The following TP73 variants were observed in gnomAD, a reference collection of about 807,000 sequenced individuals.
The protein encoded by TP73 is tumor protein p73.
A neutral mutation model predicts 62.5 loss-of-function variants in TP73; 25 were observed. The observed-to-expected ratio is 0.40, with a 90% CI of 0.29 to 0.56. The LOEUF (loss-of-function observed/expected upper bound fraction) is 0.56. Among genes scored for constraint, TP73 ranks in the 20% least tolerant of loss-of-function variants. The pLI is 0.46. For missense variants in TP73, 754 were observed against 913.3 expected (o/e 0.83, Z 2.25); for synonymous variants, 423 against 377.5 (o/e 1.12, Z -1.40).
chr1:3,673,172 G>C (rs1645282150), intron 1 of TP73, among the ~76,000 whole-genome samples: 1 of 152,242 alleles, frequency 6.6e-6, no homozygotes, highest in South Asian at 2.1e-4. Context: ...GGATAGGCTG[G>C]TGCTCTGCAA....
chr1:3,733,218 C>G lies in TP73; in HGVS notation c.*139C>G. ...GGAAAGGCAAGGTCCGGCCCATCCC[C>G]AGGCACCTCACAGGCCCCAGGAAAG... is the stretch of plus-strand genomic sequence containing the variant. On this transcript the variant is annotated 3_prime_UTR_variant, in exon 14 of 14. Coordinates refer to ENST00000378295, the MANE Select transcript of TP73 (RefSeq NM_005427.4). 9.4e-7 allele frequency: 1 copy of G among 1,060,228 alleles called. No individual in the cohort carries two copies. Among genetic ancestry groups the G allele is most frequent in the African/African-American group, 1.6e-5 (1 of 62,586 alleles). The allele number at this position is 1,060,228 out of a possible 1,614,324, so 65.7% of individuals were successfully genotyped here.
chr1:3,695,295 A>T (rs1570481853), intron 3 of TP73, among the ~76,000 whole-genome samples: 1 of 152,304 alleles, frequency 6.6e-6, no homozygotes, highest in South Asian at 2.1e-4. Context: ...TGTCCAGTTC[A>T]TGGCCCCTTG....
chr1:3,668,259 G>A (rs1301392692), intron 1 of TP73, among the ~76,000 whole-genome samples: 4 of 152,174 alleles, frequency 2.6e-5, no homozygotes, highest in African/African-American at 7.2e-5. Flanking sequence ...CGGCTGCGAT[G>A]AGGGGCCATC....
chr1:3,723,394 C>G lies in TP73; in HGVS notation c.657C>G (p.Gly219=). 6.2e-7 allele frequency: 1 copy of G among 1,612,618 alleles called. No homozygotes were observed. Among genetic ancestry groups the G allele is most frequent in the Non-Finnish European group, 8.5e-7 (1 of 1,179,842 alleles). Reference sequence around the variant, plus strand: ...CCAGCCACCTCATCCGCGTGGAAGGCAATAATCTCTCGCAGTATGTGGATG... The same window carrying G: ...CCAGCCACCTCATCCGCGTGGAAGGGAATAATCTCTCGCAGTATGTGGATG... ...APASHLIRVE[G]NNLSQYVDDP... Residue 219 remains glycine (G), a synonymous_variant, in exon 6 of 14, where the codon GGC becomes GGG. Coordinates refer to ENST00000378295, the MANE Select transcript of TP73 (RefSeq NM_005427.4).
At chr1:3,724,907 T>C (rs1287803199) in intron 6 of TP73, among the ~76,000 whole-genome samples, 1 of 151,942 alleles carries the variant, frequency 6.6e-6, no homozygotes, top group Non-Finnish European at 1.5e-5. Context: ...TAATTCCAGC[T>C]ACTTGGGAGG....
At position 3,662,546 on chromosome 1, in the gene TP73, G is replaced by A. The variant is rs567680596; in HGVS notation, c.-34+9905G>A. On this transcript the variant is annotated intron_variant, in intron 1 of 13. Transcript: ENST00000378295. The surrounding 1 kb of genome is among the most constrained non-coding windows in gnomAD (Gnocchi z 4.4). ...AGTTACCTGGAGCCGCTCTCCTCCC[G>A]GCATAGAGACCTTTACGAATGGAAA... Among the ~76,000 whole-genome samples the A allele has an allele frequency of 3.3e-5, 5 of 152,164 alleles. No homozygotes were observed. The highest frequency in any genetic ancestry group is 7.2e-5 in the African/African-American group (3 of 41,434).
In TP73 at chr1:3,699,181, C is replaced by T. The variant is rs114326439; in HGVS notation, c.187-8368C>T. On this transcript the variant is annotated intron_variant, in intron 3 of 13. Transcript: ENST00000378295. The surrounding 1 kb of genome is among the most constrained non-coding windows in gnomAD (Gnocchi z 4.1). Reference sequence around the variant, plus strand: ...GTCGAATCTTGTTGGCATTTCCATTCGTTTAATCACGGGCTCCGGGAGATG... The same window carrying T: ...GTCGAATCTTGTTGGCATTTCCATTTGTTTAATCACGGGCTCCGGGAGATG... 7.5e-3 allele frequency among the ~76,000 whole-genome samples: 1,146 copies of T among 152,154 alleles called. 13 individuals are homozygous for T. The highest frequency in any genetic ancestry group is 0.026 in the African/African-American group (1,092 of 41,516).
chr1:3,674,542 G>A (rs562830980), intron 1 of TP73, among the ~76,000 whole-genome samples: 12 of 152,358 alleles, frequency 7.9e-5, no homozygotes, highest in Non-Finnish European at 1.0e-4. Flanking sequence ...TGACGAAGCC[G>A]TCCTGGCAAC....
chr1:3,715,830 C>T lies in TP73; in HGVS notation c.430-6191C>T, dbSNP rs182173437. Reference sequence around the variant, plus strand: ...CTGGAGACAAAGCCACCAAGTCTATCCTGGGCTCAGCACATACCTGCTTCC... The same window carrying T: ...CTGGAGACAAAGCCACCAAGTCTATTCTGGGCTCAGCACATACCTGCTTCC... On this transcript the variant is annotated intron_variant, in intron 4 of 13. Transcript: ENST00000378295. 3.1e-3 allele frequency among the ~76,000 whole-genome samples: 471 copies of T among 152,362 alleles called. 5 individuals carry two copies. The highest frequency in any genetic ancestry group is 0.011 in the African/African-American group (438 of 41,578).
At chr1:3,710,422 G>A (rs531721396) in intron 4 of TP73, among the ~76,000 whole-genome samples, 5 of 152,274 alleles carry the variant, frequency 3.3e-5, no homozygotes, top group South Asian at 4.1e-4. Flanking sequence ...CGGGGCCGCC[G>A]GGCAGCCCGC....
chr1:3,690,287 GTCCT>G (rs1293973813), intron 3 of TP73, among the ~76,000 whole-genome samples: 2 of 152,022 alleles, frequency 1.3e-5, no homozygotes, highest in African/African-American at 2.4e-5. Flanking sequence ...CCTTGGACTG[GTCCT>G]GGCGGACCAC....
rs1645125060 is a variant in TP73 at position 3,666,788 on chromosome 1, G to A, written c.-34+14147G>A. On this transcript the variant is annotated intron_variant, in intron 1 of 13. Transcript: ENST00000378295. This position sits in a 1 kb window ranked among gnomAD's most constrained non-coding sequence, Gnocchi z 6.4. ...AGCAGACGCGACTCAGTGCCATGCGGGCGTCTCTCCCAGGGCGGCTTTCAG... is the reference window on the plus strand; with the variant it reads ...AGCAGACGCGACTCAGTGCCATGCGAGCGTCTCTCCCAGGGCGGCTTTCAG... 6.6e-6 allele frequency among the ~76,000 whole-genome samples: 1 copy of A among 152,190 alleles called. No homozygotes were observed. The highest frequency in any genetic ancestry group is 1.5e-5 in the Non-Finnish European group (1 of 68,032).
At chr1:3,700,658 G>A (rs1215808649) in intron 3 of TP73, among the ~76,000 whole-genome samples, 1 of 152,020 alleles carries the variant, frequency 6.6e-6, no homozygotes, top group East Asian at 1.9e-4. Context: ...ATTAGCGTCT[G>A]TAATCCCAGC....
intron 3 of TP73, among the ~76,000 whole-genome samples, chr1:3,697,186 G>T (rs969364017): frequency 7.5e-6 from 1 of 133,244 alleles, no homozygotes; most frequent in Admixed American, 7.8e-5. Flanking sequence ...TCGCACCCGC[G>T]GCCCACCTCG....
intron 3 of TP73, among the ~76,000 whole-genome samples, chr1:3,689,287 C>T (rs1645746864): frequency 6.6e-6 from 1 of 152,248 alleles, no homozygotes; most frequent in South Asian, 2.1e-4. Flanking sequence ...CCTTCCTGAA[C>T]CTGATCTACC....
At chr1:3,727,988 C>G in intron 8 of TP73, 141 bp from the exon 9 acceptor site, 1 of 1,164,908 alleles carries the variant, frequency 8.6e-7, no homozygotes, top group African/African-American at 1.5e-5. Context: ...CAGGTTTGCC[C>G]GTCCCTGTGG....
At chr1:3,658,383 GC>G (rs1570345101) in intron 1 of TP73, among the ~76,000 whole-genome samples, 1 of 152,312 alleles carries the variant, frequency 6.6e-6, no homozygotes, top group East Asian at 1.9e-4. Context: ...GCCCGGAAGT[GC>G]CATAAAAACA....
chr1:3,671,445 C>T (rs1570393163), intron 1 of TP73, among the ~76,000 whole-genome samples: 1 of 152,374 alleles, frequency 6.6e-6, no homozygotes, highest in Middle Eastern at 3.4e-3. Context: ...CACAAGATCA[C>T]AGCCCTGCCC....
rs556532518 is a variant in TP73, at chr1:3,730,928, C to T, written c.1347C>T (p.Gly449=). 1.4e-5 allele frequency: 23 copies of T among 1,602,348 alleles called. No homozygotes were observed. The highest frequency in any genetic ancestry group is 3.4e-5 in the South Asian group (3 of 89,288). Residue 449 remains glycine, a splice_region_variant and synonymous_variant, in exon 12 of 14, where the codon GGC becomes GGT. Transcript: ENST00000378295. The part of the protein sequence containing the change: ...SAATPNLGPV[G]PGMLNNHGHA... ...TGGCCCCACCTGCCTCTCACCCAGGCCCCGGGATGCTCAACAACCATGGCC... is the reference window on the plus strand; with the variant it reads ...TGGCCCCACCTGCCTCTCACCCAGGTCCCGGGATGCTCAACAACCATGGCC...
Sources: allele counts gnomAD v4.1 joint callset (sites outside exome capture counted in the v4.1 genomes callset), GRCh38; gene constraint gnomAD v4.1.1; non-coding constraint Gnocchi (gnomAD v3.1); transcripts MANE v1.5; gene names NCBI Gene and HGNC (gene_info 2026-07-23, HGNC 2026-07-21).